Variants in SENP3 observed in about 807,000 individuals in gnomAD.
SENP3 encodes the protein SUMO specific peptidase 3, also known as sentrin-specific protease 3.
A neutral mutation model predicts 66.2 loss-of-function variants in SENP3; 11 were observed. The observed-to-expected ratio is 0.17, with a 90% CI of 0.10 to 0.28. The LOEUF is 0.28. SENP3 is among the 10% of genes least tolerant of loss of function. SENP3 has a pLI of 1.00. For missense variants in SENP3, 548 were observed against 743.7 expected (o/e 0.74, Z 3.06); for synonymous variants, 292 against 277.6 (o/e 1.05, Z -0.52).
Position 7,563,301 on chromosome 17 carries a change from TGAA to T in SENP3, c.228_230del (p.Glu85del). ...GACCCTCTTTTGATGCCTCAGCAAGTGAAGAGGAGGAAGAAGAGGAGGAGGAGG... is the reference window on the plus strand; with the variant it reads ...GACCCTCTTTTGATGCCTCAGCAAGTGAGGAGGAAGAAGAGGAGGAGGAGG... On this transcript the variant is annotated inframe_deletion, in exon 2 of 11. Transcript: ENST00000321337. 6.4e-7 allele frequency: 1 copy of T among 1,552,440 alleles called. No homozygotes were observed. The highest frequency in any genetic ancestry group is 1.2e-5 in the South Asian group (1 of 84,140).
At chr17:7,566,049 A>C in intron 6 of SENP3, 1 of 306,564 alleles carries the variant, frequency 3.3e-6, no homozygotes. Flanking sequence ...AAAAAAGAAA[A>C]AGAAAAAGGC....
Position 7,562,224 on chromosome 17 carries a change from G to GC in SENP3, c.-48dup. 2.5e-6 allele frequency: 1 copy of GC among 398,584 alleles called. No homozygotes were observed. The highest frequency in any genetic ancestry group is 4.4e-6 in the Non-Finnish European group (1 of 225,982). The allele number at this position is 398,584 out of a possible 1,614,324, so 24.7% of individuals were successfully genotyped here. A position where few individuals can be genotyped will look rare whatever the true frequency, so the allele number is the denominator to read the frequency against. On this transcript the variant is annotated 5_prime_UTR_variant, in exon 1 of 11. Transcript: ENST00000321337. The surrounding 1 kb of genome is among the most constrained non-coding windows in gnomAD (Gnocchi z 5.0). Reference sequence around the variant, plus strand: ...AGCCGGGAAGCTTGAGGCCGGAGACGCCCGCCTTCGGGCCCGTCCGCCCGG... The same window carrying GC: ...AGCCGGGAAGCTTGAGGCCGGAGACGCCCCGCCTTCGGGCCCGTCCGCCCGG...
rs2071241070 is a variant in SENP3 at position 7,563,539 on chromosome 17, C to T, written c.463C>T (p.Arg155Trp). ...TFHWKLWGRH[R>W]GRRRGLAHPK... Reference sequence around the variant, plus strand: ...CCACTGGAAGCTTTGGGGGCGCCACCGGGGCCGGCGGCGGGGCCTCGCACA... The same window carrying T: ...CCACTGGAAGCTTTGGGGGCGCCACTGGGGCCGGCGGCGGGGCCTCGCACA... Residue 155 changes from arginine (R) to tryptophan (W), a missense_variant, in exon 2 of 11, where the codon CGG (arginine) becomes TGG (tryptophan). Transcript: ENST00000321337. The T allele has an allele frequency of 6.5e-7, 1 of 1,549,998 alleles. No individual in the cohort carries two copies. The highest frequency in any genetic ancestry group is 8.7e-7 in the Non-Finnish European group (1 of 1,146,960).
Position 7,571,583 on chromosome 17 carries a change from C to G in SENP3, c.*100C>G, listed in dbSNP as rs1039648438. ...CTTTCCTCTCTTGCCTCTTCCCACTCACTTCCCTTTGGTTTTTCATATTTA... is the reference window on the plus strand; with the variant it reads ...CTTTCCTCTCTTGCCTCTTCCCACTGACTTCCCTTTGGTTTTTCATATTTA... On this transcript the variant is annotated 3_prime_UTR_variant, in exon 11 of 11. Coordinates refer to ENST00000321337, the MANE Select transcript of SENP3 (RefSeq NM_015670.6). 6.8e-6 allele frequency: 5 copies of G among 736,164 alleles called. No homozygotes were observed. Among genetic ancestry groups the G allele is most frequent in the African/African-American group, 5.4e-5 (3 of 55,750 alleles). 45.6% of individuals were successfully genotyped at this position (736,164 alleles called of 1,614,324 possible). A position where few individuals can be genotyped will look rare whatever the true frequency, so the allele number is the denominator to read the frequency against.
In SENP3 at chr17:7,570,838, C is replaced by A; in HGVS notation, c.1564-45C>A. ...GAAGGCAGAAATTGAAGTCCTACCC[C>A]TGGGAGTCTCCATGTGAAGGGCCTG... On this transcript the variant is annotated intron_variant, in intron 9 of 10. Transcript: ENST00000321337. The surrounding 1 kb of genome is among the most constrained non-coding windows in gnomAD (Gnocchi z 5.4). The A allele has an allele frequency of 6.2e-7, 1 of 1,606,308 alleles. No homozygotes were observed. Among genetic ancestry groups the A allele is most frequent in the Non-Finnish European group, 8.5e-7 (1 of 1,175,620 alleles).
chr17:7,571,691 C>T lies in SENP3; in HGVS notation c.*208C>T. 2 of 468,870 alleles carry T rather than the reference C, an allele frequency of 4.3e-6. No homozygotes were observed. The highest frequency in any genetic ancestry group is 7.7e-6 in the Non-Finnish European group (2 of 258,222). The allele number at this position is 468,870 out of a possible 1,614,324, so 29.0% of individuals were successfully genotyped here. A position where few individuals can be genotyped will look rare whatever the true frequency, so the allele number is the denominator to read the frequency against. On this transcript the variant is annotated 3_prime_UTR_variant, in exon 11 of 11. Transcript: ENST00000321337. ...TGCAGGGGGTGGCTACAGAAAAGCC[C>T]CTTTCTTCCTCTGTTTGCAGGGGAG...
chr17:7,566,834 T>G, intron 6 of SENP3, 93 bp from the exon 7 acceptor site: 3 of 911,550 alleles, frequency 3.3e-6, no homozygotes, highest in Non-Finnish European at 3.5e-6. Context: ...ACCCAGAATT[T>G]GTTTTTACTG....
In SENP3 at chr17:7,563,291, C is replaced by T. The variant is rs1406620386; in HGVS notation, c.215C>T (p.Ala72Val). The stretch of plus-strand genomic sequence containing the variant: ...CCTGTCCCCCGACCCTCTTTTGATG[C>T]CTCAGCAAGTGAAGAGGAGGAAGAA... The part of the protein sequence containing the change: ...RLPVPRPSFD[A>V]SASEEEEEEE... The change falls in exon 2 of 11, where the codon GCC (alanine) becomes GTC (valine). Residue 72 changes from alanine (A) to valine (V), a missense_variant. Coordinates refer to ENST00000321337, the MANE Select transcript of SENP3 (RefSeq NM_015670.6). 5.8e-6 allele frequency: 9 copies of T among 1,553,170 alleles called. No homozygotes were observed. The highest frequency in any genetic ancestry group is 7.8e-6 in the Non-Finnish European group (9 of 1,147,886).
In SENP3 at chr17:7,566,968, C is replaced by G; in HGVS notation, c.1305C>G (p.Thr435=). The G allele has an allele frequency of 3.8e-6, 6 of 1,569,784 alleles. No homozygotes were observed. The highest frequency in any genetic ancestry group is 5.2e-6 in the Non-Finnish European group (6 of 1,156,006). ...GTTTCTTCTATGATAAACTCCGTAC[C>G]AAGGGTTATGATGGGGTGAAAAGGT... ...FNSFFYDKLR[T]KGYDGVKRWT... The change falls in exon 7 of 11, where the codon ACC becomes ACG. Residue 435 remains threonine, a synonymous_variant. Transcript: ENST00000321337.
intron 7 of SENP3, 33 bp downstream of exon 7, chr17:7,567,037 G>A (rs1222309383): frequency 1.5e-6 from 2 of 1,332,928 alleles, no homozygotes; most frequent in Non-Finnish European, 2.1e-6. Flanking sequence ...CTTGTGTAAT[G>A]CCTTGCCTCT....
intron 6 of SENP3, 193 bp downstream of exon 6, chr17:7,565,957 G>A (rs2071264015): frequency 1.8e-6 from 1 of 558,944 alleles, no homozygotes; most frequent in Non-Finnish European, 3.2e-6. Flanking sequence ...CTTTCTGCCA[G>A]TATTTAGTGT....
Position 7,563,732 on chromosome 17 carries a change from C to A in SENP3, c.656C>A (p.Pro219His), listed in dbSNP as rs1277307474. 6.2e-7 allele frequency: 1 copy of A among 1,612,754 alleles called. No homozygotes were observed. The highest frequency in any genetic ancestry group is 8.5e-7 in the Non-Finnish European group (1 of 1,179,828). Residue 219 changes from proline to histidine, a missense_variant, in exon 2 of 11, where the codon CCC becomes CAC. This residue lies in a region of SENP3 where 215 missense variants were observed against 230.7 expected (regional missense o/e 0.93). Transcript: ENST00000321337. ...VRGSPPVPSG[P>H]PMEEDGLRWT... Reference sequence around the variant, plus strand: ...GGGTCTCCACCAGTGCCCTCTGGGCCCCCCATGGAGGAAGATGGACTCAGG... The same window carrying A: ...GGGTCTCCACCAGTGCCCTCTGGGCACCCCATGGAGGAAGATGGACTCAGG...
In SENP3 at chr17:7,564,970, G is replaced by A. The variant is rs1474442811; in HGVS notation, c.967G>A (p.Glu323Lys). 1.1e-5 allele frequency: 18 copies of A among 1,612,544 alleles called. No homozygotes were observed. The East Asian group carries it at 1.3e-4, about 12-fold the overall frequency. The change falls in exon 4 of 11, where the codon GAA (glutamate) becomes AAA (lysine). Residue 323 changes from glutamate to lysine, a missense_variant. Glu to Lys is a moderately conservative substitution (Grantham distance 56, BLOSUM62 1). Coordinates refer to ENST00000321337, the MANE Select transcript of SENP3 (RefSeq NM_015670.6). ...HVTCVQSILDEFLQTYGSLIP... is the reference protein window; with the variant it reads ...HVTCVQSILDKFLQTYGSLIP... ...TCCCTTTCCACCAGGCATCTTGGAC[G>A]AATTCCTTCAAACGTATGGCAGCCT...
At chr17:7,565,877 G>T (rs1597839826) in intron 6 of SENP3, 113 bp downstream of exon 6, 2 of 876,444 alleles carry the variant, frequency 2.3e-6, no homozygotes, top group East Asian at 5.1e-5. Context: ...GTTTCAGGGA[G>T]AGAGGTGGTA....
intron 2 of SENP3, 67 bp from the exon 3 acceptor site, chr17:7,564,556 CTG>C (rs754406060): frequency 3.1e-6 from 5 of 1,588,162 alleles, no homozygotes; most frequent in Admixed American, 1.8e-5. Flanking sequence ...CATGAGTCAA[CTG>C]TGTGCATCCC....
chr17:7,571,348 C>A, intron 10 of SENP3, 25 bp from the exon 11 acceptor site: 1 of 1,562,512 alleles, frequency 6.4e-7, no homozygotes, highest in South Asian at 1.1e-5. Flanking sequence ...GGGGGTTTCT[C>A]ATGGCTTGCT....
Position 7,562,926 on chromosome 17 carries a change from G to T in SENP3, c.-11-140G>T. Reference sequence around the variant, plus strand: ...CCTTGTGGACCGCGTTAACCGGGAAGATCTTAAGTTAGGAGTTTTGCGTTT... The same window carrying T: ...CCTTGTGGACCGCGTTAACCGGGAATATCTTAAGTTAGGAGTTTTGCGTTT... On this transcript the variant is annotated intron_variant, in intron 1 of 10. Transcript: ENST00000321337. This position sits in a 1 kb window ranked among gnomAD's most constrained non-coding sequence, Gnocchi z 5.0. 7.8e-7 allele frequency: 1 copy of T among 1,275,378 alleles called. No homozygotes were observed. Among genetic ancestry groups the T allele is most frequent in the Non-Finnish European group, 1.0e-6 (1 of 1,002,398 alleles). 79.0% of individuals were successfully genotyped at this position (1,275,378 alleles called of 1,614,324 possible).
intron 2 of SENP3, 129 bp from the exon 3 acceptor site, chr17:7,564,496 C>T: frequency 7.5e-7 from 1 of 1,328,422 alleles, no homozygotes. Context: ...GTGGGATTGA[C>T]ATTGGTGGAT....
Position 7,565,425 on chromosome 17 carries a change from C to G in SENP3, c.1068-15C>G, listed in dbSNP as rs768962617. 2 of 1,613,152 alleles carry G rather than the reference C, an allele frequency of 1.2e-6. No individual in the cohort carries two copies. Among genetic ancestry groups the G allele is most frequent in the South Asian group, 2.2e-5 (2 of 90,824 alleles). On this transcript the variant is annotated splice_polypyrimidine_tract_variant and intron_variant, in intron 4 of 10. Transcript: ENST00000321337. ...TGCATCATCTTTTGTGTGACTCCAC[C>G]CTTGGCCTACTCAGGAAGGGCCTGG...
Sources: allele counts gnomAD v4.1 joint callset, GRCh38; gene constraint gnomAD v4.1.1; regional missense constraint gnomAD v4.1.1; non-coding constraint Gnocchi (gnomAD v3.1); transcripts MANE v1.5; gene names NCBI Gene and HGNC (gene_info 2026-07-23, HGNC 2026-07-21).